DCLK1: variants seen among roughly 807,000 people sequenced by gnomAD.
DCLK1 encodes doublecortin like kinase 1, also known as serine/threonine-protein kinase DCLK1.
In DCLK1, 16 loss-of-function variants were observed where a neutral mutation model predicts 86.2. That is an observed-to-expected ratio of 0.19 (90% CI 0.13 to 0.28). The LOEUF (loss-of-function observed/expected upper bound fraction) is 0.28. Ranked by LOEUF, DCLK1 falls within the 10% of genes least tolerant of loss-of-function variation. The probability of loss-of-function intolerance (pLI) is 1.00; values close to 1 mark genes in which losing one functional copy is unlikely to be tolerated. For synonymous variants in DCLK1, 369 were observed against 370.5 expected (o/e 1.00, Z 0.05); for missense variants, 590 against 940.2 (o/e 0.63, Z 4.87).
At chr13:36,115,982 C>A (rs577578956) in intron 2 of DCLK1, among the ~76,000 whole-genome samples, 1 of 151,618 alleles carries the variant, frequency 6.6e-6, no homozygotes, top group South Asian at 2.1e-4. Context: ...CAGAGTCTCA[C>A]TCTGTCACCC....
At chr13:35,918,840 T>C (rs1875593278) in intron 4 of DCLK1, among the ~76,000 whole-genome samples, 1 of 151,502 alleles carries the variant, frequency 6.6e-6, no homozygotes, top group Admixed American at 6.6e-5. Context: ...CCTATTTAAT[T>C]AATTGTCTTA....
At chr13:36,101,455 G>T (rs1037211413) in intron 3 of DCLK1, among the ~76,000 whole-genome samples, 4 of 152,178 alleles carry the variant, frequency 2.6e-5, no homozygotes, top group African/African-American at 9.7e-5. Flanking sequence ...ATAAAACTGC[G>T]AAATCAGCTA....
intron 3 of DCLK1, among the ~76,000 whole-genome samples, chr13:36,047,999 T>C (rs748294132): frequency 6.6e-6 from 1 of 152,182 alleles, no homozygotes; most frequent in Non-Finnish European, 1.5e-5. Context: ...TGGAAACTGC[T>C]AGGAGAGTAA....
chr13:35,919,367 A>G (rs538193446), intron 4 of DCLK1, among the ~76,000 whole-genome samples: 3 of 152,130 alleles, frequency 2.0e-5, no homozygotes, highest in East Asian at 1.9e-4. Flanking sequence ...TGAATTCTAT[A>G]GCATCTTCAA....
intron 15 of DCLK1, among the ~76,000 whole-genome samples, chr13:35,804,065 A>T (rs2086977126): frequency 6.6e-6 from 1 of 152,314 alleles, no homozygotes; most frequent in Non-Finnish European, 1.5e-5. Context: ...GGTATATAAG[A>T]TGCTTAAAAT....
At chr13:35,822,957 A>C in intron 10 of DCLK1, 82 bp from the exon 11 acceptor site, 1 of 1,487,124 alleles carries the variant, frequency 6.7e-7, no homozygotes, top group Non-Finnish European at 9.2e-7. Context: ...ACAAACCCCA[A>C]AGGACAGGAA....
intron 4 of DCLK1, among the ~76,000 whole-genome samples, chr13:35,930,496 G>C (rs549526373): frequency 1.3e-5 from 2 of 152,322 alleles, no homozygotes; most frequent in African/African-American, 4.8e-5. Flanking sequence ...AGCTACTCAA[G>C]AGACTGAGGC....
chr13:35,805,783 T>G lies in DCLK1; in HGVS notation c.1864-4A>C. On this transcript the variant is annotated splice_region_variant and splice_polypyrimidine_tract_variant and intron_variant, in intron 14 of 16. Transcript: ENST00000360631. The stretch of plus-strand genomic sequence containing the variant: ...ACAGCATCATGGTAATGAGCTCCTG[T>G]GAAGGGGAACGTTAGAGTCCATTTA... 1 of 1,612,974 alleles carries G rather than the reference T, an allele frequency of 6.2e-7. No individual in the cohort carries two copies.
At chr13:35,952,174 G>A (rs565996232) in intron 3 of DCLK1, among the ~76,000 whole-genome samples, 5 of 152,162 alleles carry the variant, frequency 3.3e-5, no homozygotes, top group African/African-American at 7.2e-5. Flanking sequence ...GAGTGCATAC[G>A]TAATATAAAT....
chr13:36,028,914 A>G (rs1332369852), intron 3 of DCLK1, among the ~76,000 whole-genome samples: 1 of 152,254 alleles, frequency 6.6e-6, no homozygotes, highest in Non-Finnish European at 1.5e-5. Context: ...TGATCTAAAA[A>G]GGAGAGAAAC....
At chr13:35,966,885 C>T (rs1011764499) in intron 3 of DCLK1, among the ~76,000 whole-genome samples, 17 of 152,066 alleles carry the variant, frequency 1.1e-4, no homozygotes, top group African/African-American at 4.1e-4. Context: ...CTGCCTTGGC[C>T]TCCCAAAGTG....
chr13:36,129,083 C>T (rs1886282650), intron 1 of DCLK1, among the ~76,000 whole-genome samples: 1 of 152,132 alleles, frequency 6.6e-6, no homozygotes, highest in Admixed American at 6.5e-5. Context: ...GATCATTCTC[C>T]CAACACTAGG....
At chr13:35,987,596 C>T (rs776042557) in intron 3 of DCLK1, among the ~76,000 whole-genome samples, 22 of 152,044 alleles carry the variant, frequency 1.4e-4, no homozygotes, top group Admixed American at 2.6e-4. Context: ...CCATAAAATA[C>T]ATACACCATT....
chr13:35,834,134 AG>A (rs1209644157), intron 8 of DCLK1, among the ~76,000 whole-genome samples: 1 of 152,180 alleles, frequency 6.6e-6, no homozygotes, highest in Non-Finnish European at 1.5e-5. Context: ...CCCACAGCTC[AG>A]GGGCATGGCA....
chr13:36,084,023 T>A (rs1884509999), intron 3 of DCLK1, among the ~76,000 whole-genome samples: 1 of 152,284 alleles, frequency 6.6e-6, no homozygotes, highest in East Asian at 1.9e-4. Context: ...CTCAAACAAC[T>A]TTTTATCAAA....
At chr13:35,958,219 C>A (rs1036030727) in intron 3 of DCLK1, among the ~76,000 whole-genome samples, 3 of 80,754 alleles carry the variant, frequency 3.7e-5, no homozygotes, top group South Asian at 3.7e-4. Context: ...ACCATCACCA[C>A]CACCACTATA....
At chr13:35,888,699 T>C (rs892204704) in intron 4 of DCLK1, among the ~76,000 whole-genome samples, 1 of 152,214 alleles carries the variant, frequency 6.6e-6, no homozygotes, top group African/African-American at 2.4e-5. Flanking sequence ...ACGCCTGAAA[T>C]CAGATGATAC....
At chr13:36,019,272 C>T (rs1204250386) in intron 3 of DCLK1, among the ~76,000 whole-genome samples, 1 of 152,154 alleles carries the variant, frequency 6.6e-6, no homozygotes, top group Non-Finnish European at 1.5e-5. Context: ...CCCGTATTCC[C>T]AAGATCCAAG....
chr13:36,081,004 T>C (rs372883252), intron 3 of DCLK1, among the ~76,000 whole-genome samples: 91 of 152,278 alleles, frequency 6.0e-4, no homozygotes, highest in African/African-American at 1.9e-3. Context: ...TACAGACTTA[T>C]CTGTCCTAAA....
Sources: gnomAD v4.1 joint callset for allele counts (sites outside exome capture counted in the v4.1 genomes callset) on GRCh38, gnomAD v4.1.1 for gene constraint, MANE v1.5 for transcripts, NCBI Gene and HGNC (gene_info 2026-07-23, HGNC 2026-07-21) for gene names.